The following DNAJC5B variants were observed in gnomAD, a reference collection of about 807,000 sequenced individuals.
The protein encoded by DNAJC5B is DnaJ heat shock protein family (Hsp40) member C5 beta, also known as dnaJ homolog subfamily C member 5B.
DNAJC5B carries 23 observed loss-of-function variants against 24.7 expected under a neutral mutation model. That is an observed-to-expected ratio of 0.93 (90% confidence interval 0.67 to 1.32). The LOEUF (loss-of-function observed/expected upper bound fraction) is 1.32, where lower values mean the gene tolerates loss of function less well. Ranked by LOEUF, DNAJC5B falls within the 40% of genes most tolerant of loss-of-function variation. The probability of loss-of-function intolerance (pLI) is 0.00; values close to 1 mark genes in which losing one functional copy is unlikely to be tolerated. For missense variants in DNAJC5B, 238 were observed against 240.8 expected (o/e 0.99, Z 0.08); for synonymous variants, 101 against 90.1 (o/e 1.12, Z -0.68).
intron 3 of DNAJC5B, among the ~76,000 whole-genome samples, chr8:66,072,102 G>A (rs1021713129): frequency 9.2e-5 from 14 of 152,194 alleles, no homozygotes; most frequent in African/African-American, 3.4e-4. Flanking sequence ...TAATGTAGGT[G>A]ACGGATTGAT....
chr8:66,065,859 T>A (rs1356216951), intron 3 of DNAJC5B, among the ~76,000 whole-genome samples: 7 of 152,034 alleles, frequency 4.6e-5, no homozygotes, highest in Admixed American at 2.6e-4. Context: ...AAGAGGGGCT[T>A]ACGGGTCTAG....
intron 1 of DNAJC5B, among the ~76,000 whole-genome samples, chr8:66,028,737 G>C (rs181732169): frequency 9.9e-5 from 15 of 152,152 alleles, no homozygotes; most frequent in Admixed American, 6.5e-4. Flanking sequence ...CTGCCACCCT[G>C]GTCTGGGCCC....
chr8:66,080,490 G>T lies in DNAJC5B; in HGVS notation c.447G>T (p.Glu149Asp), dbSNP rs368047108. The T allele has an allele frequency of 4.3e-6, 7 of 1,613,726 alleles. No individual in the cohort carries two copies. In the African/African-American group the frequency reaches 6.7e-5, roughly 15 times the overall value. ...HCRPESSVPEEDFYVSPEDLE... is the reference protein window; with the variant it reads ...HCRPESSVPEDDFYVSPEDLE... The stretch of plus-strand genomic sequence containing the variant: ...GGCCCGAGTCATCAGTGCCAGAAGA[G>T]GACTTCTATGTGTCCCCAGAGGATC... The change falls in exon 5 of 6, where the codon GAG becomes GAT. Residue 149 changes from glutamate (E) to aspartate (D), a missense_variant. By Grantham distance (45) the Glu-to-Asp change is conservative. Coordinates refer to ENST00000276570, the MANE Select transcript of DNAJC5B (RefSeq NM_033105.6).
intron 1 of DNAJC5B, among the ~76,000 whole-genome samples, chr8:66,037,936 T>G (rs1806524252): frequency 6.6e-6 from 1 of 152,186 alleles, no homozygotes; most frequent in Non-Finnish European, 1.5e-5. Flanking sequence ...TAATGGGAAC[T>G]AGTGCAAGGC....
chr8:66,019,112 T>G (rs1313509127), upstream of DNAJC5B, among the ~76,000 whole-genome samples: 2 of 152,162 alleles, frequency 1.3e-5, no homozygotes, highest in East Asian at 1.9e-4. Context: ...TGTACAGTAT[T>G]GAGTATGCTC....
chr8:66,049,520 G>C (rs1806799405), intron 2 of DNAJC5B, among the ~76,000 whole-genome samples: 1 of 152,188 alleles, frequency 6.6e-6, no homozygotes, highest in Non-Finnish European at 1.5e-5. Flanking sequence ...TTGTAGTCTA[G>C]GAGCAATAGG....
At chr8:66,060,817 C>T (rs186346380) in intron 3 of DNAJC5B, among the ~76,000 whole-genome samples, 32 of 152,296 alleles carry the variant, frequency 2.1e-4, no homozygotes, top group Non-Finnish European at 3.5e-4. Flanking sequence ...CATTATTCAA[C>T]GAATATGTAT....
chr8:66,039,461 G>A (rs931664818), intron 1 of DNAJC5B, among the ~76,000 whole-genome samples: 3 of 149,822 alleles, frequency 2.0e-5, no homozygotes, highest in African/African-American at 7.4e-5. Context: ...CGATTCTCCT[G>A]CCTCAGCCTC....
chr8:66,080,876 G>A (rs1586108905), intron 5 of DNAJC5B, among the ~76,000 whole-genome samples: 1 of 152,274 alleles, frequency 6.6e-6, no homozygotes, highest in African/African-American at 2.4e-5. Context: ...CTCAGGGCAG[G>A]AGAACCAAGG....
intron 1 of DNAJC5B, among the ~76,000 whole-genome samples, chr8:66,034,176 T>TGTG (rs1806426725): frequency 3.3e-4 from 47 of 144,300 alleles, no homozygotes; most frequent in African/African-American, 1.1e-3. Context: ...TGTTGTTGTT[T>TGTG]TGTGTGTGTG....
chr8:66,023,214 C>G (rs986319107), intron 1 of DNAJC5B, among the ~76,000 whole-genome samples: 1 of 152,164 alleles, frequency 6.6e-6, no homozygotes, highest in African/African-American at 2.4e-5. Flanking sequence ...GCCTGGTGGC[C>G]TCTCCAATAC....
At chr8:66,018,384 G>C (rs1281280703), upstream of DNAJC5B, among the ~76,000 whole-genome samples, 1 of 51,938 alleles carries the variant, frequency 1.9e-5, no homozygotes, top group Admixed American at 1.7e-4. Flanking sequence ...TGGGCGTGGT[G>C]GGGGGGGTGC....
At chr8:66,033,941 A>C (rs948607232) in intron 1 of DNAJC5B, among the ~76,000 whole-genome samples, 1 of 152,064 alleles carries the variant, frequency 6.6e-6, no homozygotes, top group Non-Finnish European at 1.5e-5. Context: ...CTCACTGGTA[A>C]AATCACTGCA....
intron 1 of DNAJC5B, among the ~76,000 whole-genome samples, chr8:66,024,075 GGTAA>G (rs1351744734): frequency 6.6e-6 from 1 of 152,132 alleles, no homozygotes; most frequent in Non-Finnish European, 1.5e-5. Flanking sequence ...AGAGATGTCT[GGTAA>G]GTATTTTCTA....
chr8:66,020,722 C>T (rs2128954589), upstream of DNAJC5B, among the ~76,000 whole-genome samples: 1 of 151,596 alleles, frequency 6.6e-6, no homozygotes, highest in East Asian at 1.9e-4. Flanking sequence ...ATTGCAGCTT[C>T]GATATCTTGG....
At chr8:66,054,170 GA>G (rs893892887) in intron 3 of DNAJC5B, among the ~76,000 whole-genome samples, 5 of 151,600 alleles carry the variant, frequency 3.3e-5, no homozygotes, top group East Asian at 1.9e-4. Context: ...GCCTTTACAG[GA>G]AAAAAATAAT....
chr8:66,051,534 T>C lies in DNAJC5B; in HGVS notation c.-14T>C, dbSNP rs764095456. ...ATGGCTATTTTCTCCCCTTTAGTTTTGCAGCCTTAGAAAATGGCATGTAAC... is the reference window on the plus strand; with the variant it reads ...ATGGCTATTTTCTCCCCTTTAGTTTCGCAGCCTTAGAAAATGGCATGTAAC... On this transcript the variant is annotated 5_prime_UTR_variant, in exon 3 of 6. Transcript: ENST00000276570. The C allele has an allele frequency of 1.3e-6, 2 of 1,597,314 alleles. No homozygotes were observed. Among genetic ancestry groups the C allele is most frequent in the East Asian group, 2.2e-5 (1 of 44,786 alleles).
chr8:66,050,744 A>G lies in DNAJC5B; in HGVS notation c.-17-787A>G, dbSNP rs114563667. ...ATGATCTCTGGCCAGAACTCCCCAA[A>G]AGGCATTTGTTAAGATGGCCTAGAT... On this transcript the variant is annotated intron_variant, in intron 2 of 5. Coordinates refer to ENST00000276570, the MANE Select transcript of DNAJC5B (RefSeq NM_033105.6). 5.2e-3 allele frequency among the ~76,000 whole-genome samples: 793 copies of G among 152,264 alleles called. 10 individuals are homozygous for G. The highest frequency in any genetic ancestry group is 0.018 in the African/African-American group (760 of 41,546).
chr8:66,058,126 G>T (rs775390121), intron 3 of DNAJC5B: 1 of 152,200 alleles, frequency 6.6e-6, no homozygotes, highest in Non-Finnish European at 1.5e-5. Flanking sequence ...ATATCTTAAA[G>T]ATAATTCCAA....
Sources: allele counts gnomAD v4.1 joint callset (sites outside exome capture counted in the v4.1 genomes callset), GRCh38; gene constraint gnomAD v4.1.1; transcripts MANE v1.5; gene names NCBI Gene and HGNC (gene_info 2026-07-23, HGNC 2026-07-21).